FBXO11: variants seen among roughly 807,000 people sequenced by gnomAD.
The protein encoded by FBXO11 is F-box protein 11.
In FBXO11, 13 loss-of-function variants were observed where a neutral mutation model predicts 117.0. The observed-to-expected ratio is 0.11, with a 90% CI of 0.07 to 0.18. The LOEUF (loss-of-function observed/expected upper bound fraction) is 0.18. Among genes scored for constraint, FBXO11 ranks in the 10% least tolerant of loss-of-function variants. FBXO11 has a pLI of 1.00. For missense variants in FBXO11, 767 were observed against 1,164.4 expected (o/e 0.66, Z 4.97); for synonymous variants, 490 against 380.5 (o/e 1.29, Z -3.35).
rs1392737211 is a variant in FBXO11, at chr2:47,832,501, C to A, written c.1261-15G>T. The A allele has an allele frequency of 6.2e-7, 1 of 1,610,390 alleles. No homozygotes were observed. Among genetic ancestry groups the A allele is most frequent in the Non-Finnish European group, 8.5e-7 (1 of 1,178,534 alleles). On this transcript the variant is annotated splice_polypyrimidine_tract_variant and intron_variant, in intron 10 of 22. Coordinates refer to ENST00000403359, the MANE Select transcript of FBXO11 (RefSeq NM_001190274.2). ...TCATATATTCCCTACAACAAGTTAT[C>A]AGAAACAAACATCAGTAGAGCTTTT...
chr2:47,846,658 C>T (rs868542648), intron 1 of FBXO11, among the ~76,000 whole-genome samples: 4 of 151,790 alleles, frequency 2.6e-5, no homozygotes, highest in African/African-American at 9.7e-5. Flanking sequence ...AGAAATAGAA[C>T]GCAATCCACA....
Position 47,808,338 on chromosome 2 carries a change from CTAAT to C in FBXO11, c.2641_2644del (p.Ile881AspfsTer20). 1 of 1,612,024 alleles carries C rather than the reference CTAAT, an allele frequency of 6.2e-7. No individual in the cohort carries two copies. Among genetic ancestry groups the C allele is most frequent in the East Asian group, 2.2e-5 (1 of 44,848 alleles). On this transcript the variant is annotated frameshift_variant, in exon 22 of 23. Transcript: ENST00000403359. LOFTEE classifies it high-confidence loss of function. ...CAAGTGTGCTACATACCTATCATGTCTAATAAACTCTACATCATGTCCCTGATGG... is the reference window on the plus strand; with the variant it reads ...CAAGTGTGCTACATACCTATCATGTCAAACTCTACATCATGTCCCTGATGG...
chr2:47,839,152 T>A, intron 3 of FBXO11, 149 bp from the exon 4 acceptor site: 1 of 793,546 alleles, frequency 1.3e-6, no homozygotes, highest in African/African-American at 1.7e-5. Flanking sequence ...GTAACACATA[T>A]TTATCTCTAT....
chr2:47,834,435 C>G (rs777876043), intron 7 of FBXO11, 144 bp downstream of exon 7: 9 of 582,776 alleles, frequency 1.5e-5, no homozygotes, highest in Non-Finnish European at 2.6e-5. Context: ...TCACTTCCTT[C>G]ACTTAAAATA....
chr2:47,889,320 G>A (rs1340751195), intron 1 of FBXO11, among the ~76,000 whole-genome samples: 1 of 152,100 alleles, frequency 6.6e-6, no homozygotes, highest in Non-Finnish European at 1.5e-5. Flanking sequence ...CTATTCCCTA[G>A]AATCTATACT....
intron 1 of FBXO11, among the ~76,000 whole-genome samples, chr2:47,882,145 C>T (rs1265755366): frequency 2.6e-5 from 4 of 152,226 alleles, no homozygotes; most frequent in Non-Finnish European, 5.9e-5. Context: ...CTATTTTCCT[C>T]AAGAAGGGCT....
intron 1 of FBXO11, chr2:47,883,572 C>G (rs1458712330): frequency 3.0e-6 from 1 of 333,192 alleles, no homozygotes; most frequent in Admixed American, 3.2e-5. Flanking sequence ...TCGTCTGGAT[C>G]GGCAAACACT....
intron 1 of FBXO11, among the ~76,000 whole-genome samples, chr2:47,860,634 T>G (rs553873145): frequency 1.3e-5 from 2 of 151,586 alleles, no homozygotes; most frequent in East Asian, 3.9e-4. Context: ...CTCGAACTCC[T>G]GAACTCAGAA....
At chr2:47,842,604 T>A (rs1673098773) in intron 1 of FBXO11, among the ~76,000 whole-genome samples, 1 of 152,068 alleles carries the variant, frequency 6.6e-6, no homozygotes, top group Non-Finnish European at 1.5e-5. Context: ...CTATTAAAGA[T>A]AAGAGTATGT....
chr2:47,825,942 T>C (rs1199000627), intron 11 of FBXO11, among the ~76,000 whole-genome samples: 1 of 152,054 alleles, frequency 6.6e-6, no homozygotes, highest in Admixed American at 6.6e-5. Flanking sequence ...AATGCAGTGA[T>C]ACAGTAAAAA....
intron 5 of FBXO11, among the ~76,000 whole-genome samples, chr2:47,835,454 G>A (rs912195442): frequency 1.3e-5 from 2 of 152,064 alleles, no homozygotes; most frequent in Non-Finnish European, 2.9e-5. Context: ...GAAAAGAATT[G>A]CTGAATATTC....
intron 1 of FBXO11, among the ~76,000 whole-genome samples, chr2:47,877,619 C>T (rs567237962): frequency 6.6e-6 from 1 of 151,882 alleles, no homozygotes; most frequent in Non-Finnish European, 1.5e-5. Context: ...CTTACCTTAC[C>T]CTAACGATTT....
chr2:47,900,789 T>C lies in FBXO11; in HGVS notation c.232+4700A>G, dbSNP rs376629476. 5.1e-5 allele frequency among the ~76,000 whole-genome samples: 5 copies of C among 97,210 alleles called. No individual in the cohort carries two copies. The East Asian group carries it at 9.8e-4, about 19-fold the overall frequency. 63.8% of individuals were successfully genotyped at this position (97,210 alleles called of 152,430 possible). A position where few individuals can be genotyped will look rare whatever the true frequency, so the allele number is the denominator to read the frequency against. On this transcript the variant is annotated intron_variant, in intron 1 of 22. Transcript: ENST00000403359. ...ATATATATACACGTATACACACACG[T>C]GTATATATATACACGTATACACACA...
In FBXO11 at chr2:47,809,618, C is replaced by T. The variant is rs1670472192; in HGVS notation, c.2428G>A (p.Val810Ile). ...RFGGLFLASG[V>I]NVTMKDNKIM... is the part of the protein sequence containing the mutation. Reference sequence around the variant, plus strand: ...AACATACCTTTCATTGTCACATTAACACCAGATGCTAAAAATAAGCCTCCA... The same window carrying T: ...AACATACCTTTCATTGTCACATTAATACCAGATGCTAAAAATAAGCCTCCA... Residue 810 changes from valine to isoleucine, a missense_variant, in exon 20 of 23, where the codon GTT becomes ATT. By Grantham distance (29) the Val-to-Ile change is conservative (BLOSUM62 3). Coordinates refer to ENST00000403359, the MANE Select transcript of FBXO11 (RefSeq NM_001190274.2). The T allele has an allele frequency of 6.2e-7, 1 of 1,612,522 alleles. No homozygotes were observed. The highest frequency in any genetic ancestry group is 8.5e-7 in the Non-Finnish European group (1 of 1,178,922).
At chr2:47,869,862 G>T (rs776483815) in intron 1 of FBXO11, among the ~76,000 whole-genome samples, 6 of 152,130 alleles carry the variant, frequency 3.9e-5, no homozygotes, top group Non-Finnish European at 8.8e-5. Flanking sequence ...TTTTAGTAGA[G>T]ACAGGGGCTT....
intron 1 of FBXO11, among the ~76,000 whole-genome samples, chr2:47,850,108 T>C (rs1307434331): frequency 6.6e-6 from 1 of 151,852 alleles, no homozygotes; most frequent in African/African-American, 2.4e-5. Context: ...ATGGAAGAAA[T>C]GGATATATGA....
chr2:47,886,999 C>T (rs532904427), intron 1 of FBXO11, among the ~76,000 whole-genome samples: 35 of 152,108 alleles, frequency 2.3e-4, no homozygotes, highest in African/African-American at 7.7e-4. Flanking sequence ...GGTAAAAGAG[C>T]GACAGGGCAG....
chr2:47,818,040 G>A (rs1671129692), intron 16 of FBXO11, among the ~76,000 whole-genome samples: 1 of 152,186 alleles, frequency 6.6e-6, no homozygotes, highest in African/African-American at 2.4e-5. Context: ...CCAGCTACTT[G>A]GGAGGCTGAG....
chr2:47,879,322 C>T (rs1446737246), intron 1 of FBXO11, among the ~76,000 whole-genome samples: 1 of 152,192 alleles, frequency 6.6e-6, no homozygotes, highest in African/African-American at 2.4e-5. Flanking sequence ...CATTTTTACT[C>T]TGGCAGATAT....
Sources: allele counts gnomAD v4.1 joint callset (sites outside exome capture counted in the v4.1 genomes callset), GRCh38; gene constraint gnomAD v4.1.1; transcripts MANE v1.5; gene names NCBI Gene and HGNC (gene_info 2026-07-23, HGNC 2026-07-21).